TMCO6: variants seen among roughly 807,000 people sequenced by gnomAD.
TMCO6 encodes transmembrane and coiled-coil domains 6, also known as transmembrane and coiled-coil domain-containing protein 6.
TMCO6 carries 47 observed loss-of-function variants against 61.8 expected under a neutral mutation model. The observed-to-expected ratio is 0.76, with a 90% CI of 0.60 to 0.97. The LOEUF (loss-of-function observed/expected upper bound fraction) is 0.97, where lower values mean the gene tolerates loss of function less well. TMCO6 is among the 50% of genes least tolerant of loss of function. The pLI is 0.00. For synonymous variants in TMCO6, 261 were observed against 254.2 expected (o/e 1.03, Z -0.25); for missense variants, 557 against 601.6 (o/e 0.93, Z 0.78).
chr5:140,633,150 C>G, the TMCO6 span: 1 of 1,585,832 alleles, frequency 6.3e-7, no homozygotes, highest in Non-Finnish European at 8.6e-7. Context: ...CAGCGGCACC[C>G]GCCGGCTTCC....
At chr5:140,647,286 C>T (rs1757459475), downstream of TMCO6, 2 of 1,569,644 alleles carry the variant, frequency 1.3e-6, no homozygotes, top group Non-Finnish European at 8.7e-7. Flanking sequence ...GGCTGCACAT[C>T]GGAGCATTCG....
upstream of TMCO6, chr5:140,639,356 C>T: frequency 1.6e-6 from 1 of 639,548 alleles, no homozygotes; most frequent in Non-Finnish European, 2.7e-6. Flanking sequence ...CCCACCGTCC[C>T]CGCGAGGCGT....
At chr5:140,621,355 T>G in the TMCO6 span, among the ~76,000 whole-genome samples, 1 of 152,216 alleles carries the variant, frequency 6.6e-6, no homozygotes. Flanking sequence ...TTAATACTTT[T>G]ATAATTTCTT....
chr5:140,623,528 G>C, the TMCO6 span, among the ~76,000 whole-genome samples: 1 of 151,876 alleles, frequency 6.6e-6, no homozygotes, highest in Non-Finnish European at 1.5e-5. Flanking sequence ...GAACCCCATC[G>C]GTCTCTCTGA....
chr5:140,621,793 C>A, the TMCO6 span, among the ~76,000 whole-genome samples: 1 of 152,126 alleles, frequency 6.6e-6, no homozygotes, highest in Non-Finnish European at 1.5e-5. Context: ...TGAACTGGAC[C>A]CCCTGGGCGT....
chr5:140,599,762 A>C, the TMCO6 span, among the ~76,000 whole-genome samples: 1 of 152,230 alleles, frequency 6.6e-6, no homozygotes, highest in East Asian at 1.9e-4. Context: ...TTAGCTGGGC[A>C]TGGTGGTGCA....
At chr5:140,621,486 T>G in the TMCO6 span, among the ~76,000 whole-genome samples, 1 of 152,172 alleles carries the variant, frequency 6.6e-6, no homozygotes, top group Non-Finnish European at 1.5e-5. Flanking sequence ...CTCAATCCTG[T>G]CAGCTGAGGA....
chr5:140,632,765 G>C, the TMCO6 span: 6 of 1,613,246 alleles, frequency 3.7e-6, no homozygotes, highest in Admixed American at 1.7e-5. The surrounding 1 kb of genome is among the most constrained non-coding windows in gnomAD (Gnocchi z 6.2). Context: ...CGTCCGCATC[G>C]ACGCGCTTTA....
At chr5:140,606,896 G>T in the TMCO6 span, among the ~76,000 whole-genome samples, 1 of 151,858 alleles carries the variant, frequency 6.6e-6, no homozygotes, top group East Asian at 1.9e-4. Context: ...ATGTGGGGGT[G>T]GAATACAACG....
the TMCO6 span, among the ~76,000 whole-genome samples, chr5:140,613,386 T>TAAAAAAAAAAAAAAA: frequency 4.0e-4 from 35 of 87,442 alleles, 3 homozygotes; most frequent in African/African-American, 1.8e-3. Context: ...AGACTCTGAC[T>TAAAAAAAAAAAAAAA]AAAAAAAAAA....
chr5:140,631,227 A>G, the TMCO6 span, among the ~76,000 whole-genome samples: 3 of 152,148 alleles, frequency 2.0e-5, no homozygotes, highest in African/African-American at 7.2e-5. Flanking sequence ...AGGTTTTACA[A>G]GAGAGGAACC....
At chr5:140,624,663 C>A in the TMCO6 span, among the ~76,000 whole-genome samples, 1 of 151,810 alleles carries the variant, frequency 6.6e-6, no homozygotes, top group East Asian at 1.9e-4. Context: ...GATTCTTGCA[C>A]CTCAGCCTCC....
At chr5:140,625,289 T>A in the TMCO6 span, among the ~76,000 whole-genome samples, 558 of 152,348 alleles carry the variant, frequency 3.7e-3, 2 homozygotes, top group African/African-American at 0.013. Context: ...TTTGTCAGTA[T>A]CCTCAGGTGG....
intron 10 of TMCO6, 125 bp from the exon 11 acceptor site, chr5:140,644,448 G>A (rs1439298864): frequency 1.7e-6 from 2 of 1,163,060 alleles, no homozygotes; most frequent in Non-Finnish European, 2.5e-6. Flanking sequence ...GTAGGAGTAT[G>A]AGAACATGTA....
the TMCO6 span, among the ~76,000 whole-genome samples, chr5:140,608,779 C>A: frequency 3.3e-5 from 5 of 152,224 alleles, no homozygotes; most frequent in Non-Finnish European, 7.3e-5. Context: ...ATGTTCTTGA[C>A]AACCTTGTCA....
chr5:140,646,009 CTTT>C (rs5871744), downstream of TMCO6, among the ~76,000 whole-genome samples: 3 of 124,106 alleles, frequency 2.4e-5, no homozygotes, highest in Non-Finnish European at 3.4e-5. Context: ...CATTCTCTCT[CTTT>C]TTTTTTTTTT....
In TMCO6 at chr5:140,642,317, G is replaced by A; in HGVS notation, c.501G>A (p.Glu167=). Residue 167 remains glutamate (E), a splice_region_variant and synonymous_variant, in exon 5 of 12, where the codon GAG becomes GAA. Transcript: ENST00000394671. ...YLSSHSSDFI[E]LCLYTLGNLI... is the part of the protein sequence containing the mutation. Reference sequence around the variant, plus strand: ...GTGCTTTTGTTGCCTGTTCTCAGGAGCTGTGTCTGTATACACTGGGTAACC... The same window carrying A: ...GTGCTTTTGTTGCCTGTTCTCAGGAACTGTGTCTGTATACACTGGGTAACC... 2 of 1,610,332 alleles carry A rather than the reference G, an allele frequency of 1.2e-6. No individual in the cohort carries two copies. The highest frequency in any genetic ancestry group is 1.7e-6 in the Non-Finnish European group (2 of 1,178,020).
At chr5:140,609,915 C>T in the TMCO6 span, among the ~76,000 whole-genome samples, 7 of 152,084 alleles carry the variant, frequency 4.6e-5, 1 homozygote, top group South Asian at 1.2e-3. Context: ...CACTGTCACC[C>T]AGGATGGAAT....
the TMCO6 span, among the ~76,000 whole-genome samples, chr5:140,599,991 G>T: frequency 1.3e-5 from 2 of 151,912 alleles, no homozygotes; most frequent in African/African-American, 4.8e-5. Context: ...TCAATTCTAG[G>T]GGAAAAAGTC....
Sources: allele counts gnomAD v4.1 joint callset (sites outside exome capture counted in the v4.1 genomes callset), GRCh38; gene constraint gnomAD v4.1.1; non-coding constraint Gnocchi (gnomAD v3.1); transcripts MANE v1.5; gene names NCBI Gene and HGNC (gene_info 2026-07-23, HGNC 2026-07-21).